Variants in TENM1 observed in about 807,000 individuals in gnomAD.
TENM1 encodes the protein teneurin transmembrane protein 1.
TENM1 carries 35 observed loss-of-function variants against 174.8 expected under a neutral mutation model. The ratio of observed to expected loss-of-function variants is 0.20; its 90% CI spans 0.15 to 0.27. The LOEUF is 0.27. Among genes scored for constraint, TENM1 ranks in the 10% least tolerant of loss-of-function variants. TENM1 has a pLI of 1.00. For synonymous variants in TENM1, 781 were observed against 798.7 expected (o/e 0.98, Z 0.37); for missense variants, 1,633 against 2,130.1 (o/e 0.77, Z 4.59).
At chrX:124,878,328 G>A (rs193026620) in intron 3 of TENM1, among the ~76,000 whole-genome samples, 1 of 111,141 alleles carries the variant, frequency 9.0e-6, no homozygotes, top group Admixed American at 9.6e-5. Flanking sequence ...CTCATCCAGA[G>A]GTCTGAGGGT....
chrX:124,622,026 T>G (rs1009537984), intron 11 of TENM1, among the ~76,000 whole-genome samples: 1 of 112,005 alleles, frequency 8.9e-6, no homozygotes, highest in African/African-American at 3.2e-5. Flanking sequence ...TTTTGGGTTA[T>G]GTATGGCAGA....
In TENM1 at chrX:124,406,330, A is replaced by G. The variant is rs753338354; in HGVS notation, c.5142T>C (p.Tyr1714=). 39 of 1,204,937 alleles carry G rather than the reference A, an allele frequency of 3.2e-5. No individual in the cohort carries two copies. In the South Asian group the frequency reaches 5.9e-4, roughly 18 times the overall value. ...AAACAATCTTACCTTGTTTTAAAAT[A>G]TATATGGTACTAGTTGCCGTCAAGT... Residue 1714 remains tyrosine, a synonymous_variant, in exon 26 of 32, where the codon TAT becomes TAC. Transcript: ENST00000422452.
chrX:124,516,616 A>G (rs1164568267), intron 18 of TENM1, among the ~76,000 whole-genome samples: 6 of 112,108 alleles, frequency 5.4e-5, no homozygotes, highest in Admixed American at 9.5e-5. Context: ...AATATCACCC[A>G]TCATCAGAGA....
At chrX:124,630,034 C>A (rs1368155861) in intron 11 of TENM1, among the ~76,000 whole-genome samples, 2 of 111,914 alleles carry the variant, frequency 1.8e-5, no homozygotes, top group African/African-American at 6.5e-5. Context: ...AAGGAAAGGG[C>A]AGAACTAGGT....
rs1330019226 is a variant in TENM1, at chrX:124,769,771, CTGAG to C, written c.536-32578_536-32575del. 2.2e-4 allele frequency among the ~76,000 whole-genome samples: 25 copies of C among 112,009 alleles called. 1 individual carries two copies. The highest frequency in any genetic ancestry group is 4.7e-4 in the Admixed American group (5 of 10,547). The stretch of plus-strand genomic sequence containing the variant: ...TTATATCCAATGTGTATCTATCTGA[CTGAG>C]TGAGAAAACTCATTTTAAGTATTAT... On this transcript the variant is annotated intron_variant, in intron 3 of 31. Transcript: ENST00000422452.
the TENM1 span, among the ~76,000 whole-genome samples, chrX:125,132,717 C>T: frequency 9.0e-6 from 1 of 111,702 alleles, no homozygotes; most frequent in African/African-American, 3.3e-5. Flanking sequence ...GGAAACCAGG[C>T]ACAGAAAGTT....
intron 22 of TENM1, among the ~76,000 whole-genome samples, chrX:124,467,670 TA>T (rs2061254173): frequency 1.8e-5 from 2 of 111,866 alleles, no homozygotes; most frequent in Admixed American, 1.9e-4. Flanking sequence ...AAGTCTTATT[TA>T]AAACAAAACA....
At chrX:125,084,728 G>T in the TENM1 span, among the ~76,000 whole-genome samples, 203 of 111,219 alleles carry the variant, frequency 1.8e-3, no homozygotes, top group Admixed American at 4.5e-3. Flanking sequence ...CTTAATGATA[G>T]GTTAGGTGTC....
At chrX:124,966,692 T>C (rs1482990502), upstream of TENM1, among the ~76,000 whole-genome samples, 2 of 110,083 alleles carry the variant, frequency 1.8e-5, no homozygotes, top group African/African-American at 6.6e-5. Flanking sequence ...AAATGGTACG[T>C]CTCGTCTTTC....
At chrX:124,869,743 T>C (rs1242562282) in intron 3 of TENM1, among the ~76,000 whole-genome samples, 2 of 109,954 alleles carry the variant, frequency 1.8e-5, no homozygotes, top group Non-Finnish European at 3.8e-5. Context: ...GCATTGCAAC[T>C]TCTCACTTGT....
At position 124,573,136 on chromosome X, in the gene TENM1, A is replaced by G. The variant is rs1352526232; in HGVS notation, c.2078-7576T>C. On this transcript the variant is annotated intron_variant, in intron 11 of 31. Transcript: ENST00000422452. Reference sequence around the variant, plus strand: ...TGGGAAAGGATATATAAATTTTAGTATATTTATGCAGTGCAAAAAATATAG... The same window carrying G: ...TGGGAAAGGATATATAAATTTTAGTGTATTTATGCAGTGCAAAAAATATAG... Among the ~76,000 whole-genome samples, 5 of 111,959 alleles carry G rather than the reference A, an allele frequency of 4.5e-5. No individual in the cohort carries two copies. The Admixed American group carries it at 4.8e-4, about 11-fold the overall frequency.
chrX:124,655,124 C>T (rs1322383350), intron 6 of TENM1, among the ~76,000 whole-genome samples: 1 of 111,189 alleles, frequency 9.0e-6, no homozygotes, highest in Non-Finnish European at 1.9e-5. Context: ...GGTCTACAGC[C>T]CACACCCTGA....
the TENM1 span, among the ~76,000 whole-genome samples, chrX:125,160,570 C>G: frequency 0.016 from 758 of 47,567 alleles, 9 homozygotes; most frequent in African/African-American, 0.051. Context: ...AAAAAAAAAA[C>G]AGAGAGAGAG....
chrX:124,579,177 C>T (rs1054489805), intron 11 of TENM1, among the ~76,000 whole-genome samples: 6 of 111,816 alleles, frequency 5.4e-5, no homozygotes, highest in African/African-American at 2.0e-4. Context: ...AAGCACAGCT[C>T]TGGTCACACA....
At chrX:125,040,695 T>C in the TENM1 span, among the ~76,000 whole-genome samples, 1 of 111,333 alleles carries the variant, frequency 9.0e-6, no homozygotes, top group African/African-American at 3.3e-5. Flanking sequence ...TAGATTCCAT[T>C]TGGATCCAGT....
At chrX:125,106,694 C>G in the TENM1 span, among the ~76,000 whole-genome samples, 1 of 112,277 alleles carries the variant, frequency 8.9e-6, no homozygotes, top group Non-Finnish European at 1.9e-5. Flanking sequence ...TAGGCGTGAG[C>G]CACTGCGCCC....
intron 4 of TENM1, among the ~76,000 whole-genome samples, chrX:124,722,600 G>A (rs865996762): frequency 6.3e-5 from 7 of 110,744 alleles, no homozygotes; most frequent in Middle Eastern, 4.7e-3. Flanking sequence ...CAGCACTTTG[G>A]AAGGCCGAAG....
chrX:124,551,532 A>C (rs941340332), intron 14 of TENM1, among the ~76,000 whole-genome samples: 7 of 109,354 alleles, frequency 6.4e-5, no homozygotes, highest in African/African-American at 1.3e-4. Context: ...ACACACCCAC[A>C]CACACACACA....
At chrX:124,376,280 G>A (rs1429125816) in exon 32 of TENM1, 1 of 112,427 alleles carries the variant, frequency 8.9e-6, no homozygotes, top group Non-Finnish European at 1.9e-5. Context: ...CTTTTCATGA[G>A]AAAGTAAGCA....
Sources: allele counts gnomAD v4.1 joint callset (sites outside exome capture counted in the v4.1 genomes callset), GRCh38; gene constraint gnomAD v4.1.1; transcripts MANE v1.5; gene names NCBI Gene and HGNC (gene_info 2026-07-23, HGNC 2026-07-21).